CSMD1: variants seen among roughly 807,000 people sequenced by gnomAD.
CSMD1 encodes the protein CUB and sushi domain-containing protein 1.
Under a neutral mutation model 417.5 loss-of-function variants are expected in CSMD1, and 213 were observed. That is an observed-to-expected ratio of 0.51 (90% CI 0.46 to 0.57). The LOEUF is 0.57. CSMD1 is among the 20% of genes least tolerant of loss of function. The probability of loss-of-function intolerance (pLI) is 0.00; values close to 1 mark genes in which losing one functional copy is unlikely to be tolerated. For missense variants in CSMD1, 6,923 were observed against 4,529.7 expected, an observed-to-expected ratio of 1.53 and a Z score of -15.17; for synonymous variants, 2,862 against 1,736.8, an observed-to-expected ratio of 1.65 and a Z score of -16.11.
chr8:4,727,810 C>T (rs890144892), intron 1 of CSMD1, among the ~76,000 whole-genome samples: 2 of 150,912 alleles, frequency 1.3e-5, no homozygotes, highest in African/African-American at 4.9e-5. Context: ...ATGTTTGGTA[C>T]ATGTATATGT....
At chr8:3,503,045 C>T (rs1796673719) in intron 10 of CSMD1, among the ~76,000 whole-genome samples, 1 of 152,126 alleles carries the variant, frequency 6.6e-6, no homozygotes, top group Admixed American at 6.5e-5. Context: ...GTGCAAACTG[C>T]TCTAAAAATA....
chr8:3,347,947 G>C (rs1322552725), intron 22 of CSMD1, 45 bp downstream of exon 22: 1 of 1,392,182 alleles, frequency 7.2e-7, no homozygotes, highest in Non-Finnish European at 9.7e-7. Context: ...TGTATTTTTT[G>C]AGAAGAAAAC....
chr8:4,233,199 T>C (rs557918986), intron 3 of CSMD1, among the ~76,000 whole-genome samples: 15 of 152,294 alleles, frequency 9.8e-5, no homozygotes, highest in Admixed American at 7.2e-4. Context: ...AAACATATCA[T>C]TTTCTTCAAT....
chr8:3,595,033 C>T (rs990053929), intron 8 of CSMD1, among the ~76,000 whole-genome samples: 3 of 152,194 alleles, frequency 2.0e-5, no homozygotes, highest in Non-Finnish European at 4.4e-5. Flanking sequence ...AGCATCCACG[C>T]GGCACGTGAA....
chr8:3,358,204 T>C (rs1272797467), intron 21 of CSMD1, among the ~76,000 whole-genome samples: 1 of 152,202 alleles, frequency 6.6e-6, no homozygotes, highest in African/African-American at 2.4e-5. Flanking sequence ...GTGAAATTAG[T>C]GTGGTTCGTA....
chr8:3,820,630 T>C (rs4430120), intron 5 of CSMD1, among the ~76,000 whole-genome samples: 113,849 of 152,238 alleles, frequency 0.75, 42,828 homozygotes, highest in East Asian at 0.84. Flanking sequence ...AGTTGGAGCG[T>C]AGTGGCGTAA....
chr8:4,419,621 C>G (rs751907096), intron 3 of CSMD1, among the ~76,000 whole-genome samples: 1 of 152,154 alleles, frequency 6.6e-6, no homozygotes, highest in Non-Finnish European at 1.5e-5. Flanking sequence ...TAATGAAACT[C>G]TTCTGCATTA....
chr8:4,178,203 C>A (rs890002683), intron 3 of CSMD1, among the ~76,000 whole-genome samples: 4 of 152,290 alleles, frequency 2.6e-5, no homozygotes, highest in South Asian at 2.1e-4. Context: ...CAGACCGAAT[C>A]CAGCAGCACA....
At chr8:3,062,938 T>C (rs1812680978) in intron 49 of CSMD1, among the ~76,000 whole-genome samples, 1 of 152,076 alleles carries the variant, frequency 6.6e-6, no homozygotes, top group Non-Finnish European at 1.5e-5. Flanking sequence ...TTTCGGAATA[T>C]AAAACAAAGA....
chr8:4,234,831 T>C (rs1801950167), intron 3 of CSMD1, among the ~76,000 whole-genome samples: 2 of 152,094 alleles, frequency 1.3e-5, no homozygotes, highest in African/African-American at 4.8e-5. Flanking sequence ...AAGAACAGTC[T>C]CTGCACTGTG....
intron 1 of CSMD1, among the ~76,000 whole-genome samples, chr8:4,750,002 AT>A (rs1365937487): frequency 2.6e-4 from 39 of 147,862 alleles, no homozygotes; most frequent in African/African-American, 7.2e-4. Context: ...TGAAAAAAAA[AT>A]AATAATTATT....
At chr8:3,909,184 G>C (rs1486779552) in intron 5 of CSMD1, among the ~76,000 whole-genome samples, 3 of 152,204 alleles carry the variant, frequency 2.0e-5, no homozygotes, top group Non-Finnish European at 4.4e-5. Flanking sequence ...CTGTAGCTAA[G>C]ATTTGTGGAT....
chr8:4,284,006 G>C (rs1278074615), intron 3 of CSMD1, among the ~76,000 whole-genome samples: 1 of 152,142 alleles, frequency 6.6e-6, no homozygotes, highest in African/African-American at 2.4e-5. Flanking sequence ...GCCGAGGAAG[G>C]TGAATCACTT....
chr8:4,601,151 C>A (rs571344809), intron 2 of CSMD1, among the ~76,000 whole-genome samples: 4 of 152,112 alleles, frequency 2.6e-5, no homozygotes, highest in Non-Finnish European at 5.9e-5. Context: ...GATAGGGTTT[C>A]TCCATGTTGG....
At chr8:4,580,677 C>T (rs1018746895) in intron 2 of CSMD1, among the ~76,000 whole-genome samples, 2 of 152,050 alleles carry the variant, frequency 1.3e-5, no homozygotes, top group African/African-American at 4.8e-5. Context: ...CAAAATGCAC[C>T]GCGTCTTCCA....
intron 2 of CSMD1, among the ~76,000 whole-genome samples, chr8:4,505,722 C>A (rs558200932): frequency 1.3e-5 from 2 of 152,106 alleles, no homozygotes; most frequent in African/African-American, 2.4e-5. Context: ...GCCAATGAAG[C>A]CTTTGGACAG....
intron 3 of CSMD1, among the ~76,000 whole-genome samples, chr8:4,032,874 G>C (rs1017252183): frequency 2.0e-5 from 3 of 152,046 alleles, no homozygotes; most frequent in African/African-American, 7.2e-5. Flanking sequence ...GAAAAACTAG[G>C]TCAGGCCGTG....
At chr8:3,804,420 A>G (rs188020385) in intron 5 of CSMD1, among the ~76,000 whole-genome samples, 9 of 152,326 alleles carry the variant, frequency 5.9e-5, no homozygotes, top group Admixed American at 2.0e-4. Context: ...TTTGTTCCAG[A>G]AAATGAAAAA....
At chr8:3,064,506 T>C (rs1812792063) in intron 49 of CSMD1, among the ~76,000 whole-genome samples, 1 of 152,228 alleles carries the variant, frequency 6.6e-6, no homozygotes, top group Non-Finnish European at 1.5e-5. Flanking sequence ...CAATTAGGCC[T>C]CTTTTCTTCA....
Sources: allele counts gnomAD v4.1 joint callset (sites outside exome capture counted in the v4.1 genomes callset), GRCh38; gene constraint gnomAD v4.1.1; transcripts MANE v1.5; gene names NCBI Gene and HGNC (gene_info 2026-07-23, HGNC 2026-07-21).